SIAH2: variants seen among roughly 807,000 people sequenced by gnomAD.
SIAH2 encodes the protein siah E3 ubiquitin protein ligase 2, also known as E3 ubiquitin-protein ligase SIAH2.
Under a neutral mutation model 20.4 loss-of-function variants are expected in SIAH2, and 4 were observed. The ratio of observed to expected loss-of-function variants is 0.20; its 90% confidence interval spans 0.10 to 0.45. The LOEUF (loss-of-function observed/expected upper bound fraction) is 0.45. SIAH2 is among the 20% of genes least tolerant of loss of function. SIAH2 has a pLI of 0.99. For missense variants in SIAH2, 259 were observed against 440.3 expected (o/e 0.59, Z 3.69); for synonymous variants, 171 against 192.5 (o/e 0.89, Z 0.93).
rs1472356069 is a variant in SIAH2 at position 150,742,130 on chromosome 3, C to T, written c.*11G>A. On this transcript the variant is annotated 3_prime_UTR_variant, in exon 2 of 2. Coordinates refer to ENST00000312960, the MANE Select transcript of SIAH2 (RefSeq NM_005067.7). This position sits in a 1 kb window ranked among gnomAD's most constrained non-coding sequence, Gnocchi z 4.8. ...ATGCCCAAATAATTTTGAAGGTTTA[C>T]GAAAGTCACATCATGGACAACATGT... 5.6e-6 allele frequency: 9 copies of T among 1,597,078 alleles called. No homozygotes were observed. Among genetic ancestry groups the T allele is most frequent in the Admixed American group, 3.4e-5 (2 of 58,454 alleles).
intron 1 of SIAH2, among the ~76,000 whole-genome samples, chr3:150,757,243 T>G (rs1396718592): frequency 6.6e-6 from 1 of 152,178 alleles, no homozygotes; most frequent in Non-Finnish European, 1.5e-5. Flanking sequence ...TTCTTTTCAC[T>G]GGGACCGCTT....
chr3:150,755,280 C>T (rs532178833), intron 1 of SIAH2, among the ~76,000 whole-genome samples: 330 of 150,410 alleles, frequency 2.2e-3, no homozygotes, highest in Non-Finnish European at 3.7e-3. Context: ...GTGCATAGGC[C>T]GGCGCATTAG....
At chr3:150,759,866 G>T (rs963226572) in intron 1 of SIAH2, among the ~76,000 whole-genome samples, 1 of 152,176 alleles carries the variant, frequency 6.6e-6, no homozygotes, top group Non-Finnish European at 1.5e-5. Context: ...GGAAATCAAG[G>T]CCCTGGGAGG....
chr3:150,760,245 C>T (rs1294143984), intron 1 of SIAH2, among the ~76,000 whole-genome samples: 1 of 152,184 alleles, frequency 6.6e-6, no homozygotes, highest in Admixed American at 6.5e-5. Context: ...GACACACACC[C>T]CAGCTTTATA....
intron 1 of SIAH2, among the ~76,000 whole-genome samples, chr3:150,747,838 C>A (rs1714257321): frequency 6.6e-6 from 1 of 151,812 alleles, no homozygotes; most frequent in South Asian, 2.1e-4. Flanking sequence ...GTGGTGGGCA[C>A]CTGTAATCCC....
At chr3:150,755,879 T>A (rs1714477092) in intron 1 of SIAH2, among the ~76,000 whole-genome samples, 1 of 152,164 alleles carries the variant, frequency 6.6e-6, no homozygotes, top group South Asian at 2.1e-4. Flanking sequence ...CTTGAACTCC[T>A]GACCTCATGA....
In SIAH2 at chr3:150,741,856, C is replaced by A; in HGVS notation, c.*285G>T. 1 of 342,602 alleles carries A rather than the reference C, an allele frequency of 2.9e-6. No individual in the cohort carries two copies. The highest frequency in any genetic ancestry group is 5.4e-6 in the Non-Finnish European group (1 of 186,382). 21.2% of individuals were successfully genotyped at this position (342,602 alleles called of 1,614,324 possible). On this transcript the variant is annotated 3_prime_UTR_variant, in exon 2 of 2. Coordinates refer to ENST00000312960, the MANE Select transcript of SIAH2 (RefSeq NM_005067.7). ...TTCCTAACACACTGATCTATAGAAGCCCTGTGCAACAGCCTGTCAAGTGTT... is the reference window on the plus strand; with the variant it reads ...TTCCTAACACACTGATCTATAGAAGACCTGTGCAACAGCCTGTCAAGTGTT...
intron 1 of SIAH2, among the ~76,000 whole-genome samples, chr3:150,747,247 G>A: frequency 6.6e-6 from 1 of 152,218 alleles, no homozygotes; most frequent in Non-Finnish European, 1.5e-5. Flanking sequence ...CCCTGAAAGT[G>A]CCACTCCCTG....
rs1045248462 is a variant in SIAH2 at position 150,758,675 on chromosome 3, A to G, written c.417+3758T>C. Reference sequence around the variant, plus strand: ...AACCTCCACCTCCTGGGTTCAAGCGATTCTCCTGCCGCAGCCTCCTGAGTA... The same window carrying G: ...AACCTCCACCTCCTGGGTTCAAGCGGTTCTCCTGCCGCAGCCTCCTGAGTA... On this transcript the variant is annotated intron_variant, in intron 1 of 1. Coordinates refer to ENST00000312960, the MANE Select transcript of SIAH2 (RefSeq NM_005067.7). Among the ~76,000 whole-genome samples the G allele has an allele frequency of 5.4e-5, 8 of 147,848 alleles. No homozygotes were observed. In the East Asian group the frequency reaches 1.4e-3, roughly 26 times the overall value.
intron 1 of SIAH2, among the ~76,000 whole-genome samples, chr3:150,743,634 A>G (rs182188051): frequency 1.3e-5 from 2 of 152,290 alleles, no homozygotes; most frequent in Admixed American, 6.5e-5. Context: ...GTAGGAGAAC[A>G]AAATCATTTT....
intron 1 of SIAH2, among the ~76,000 whole-genome samples, chr3:150,747,666 C>T (rs561147208): frequency 1.3e-5 from 2 of 152,142 alleles, no homozygotes; most frequent in South Asian, 4.2e-4. Context: ...TAGGACCGGG[C>T]GCGATGGCTC....
In SIAH2 at chr3:150,762,527, A is replaced by C. The variant is rs1714642615; in HGVS notation, c.323T>G (p.Leu108Trp). 6.2e-7 allele frequency: 1 copy of C among 1,613,530 alleles called. No homozygotes were observed. Among genetic ancestry groups the C allele is most frequent in the South Asian group, 1.1e-5 (1 of 91,070 alleles). ...HLVCNQCRQK[L>W]SCCPTCRGAL... ...GCCCCTGCACGTCGGGCAGCAGCTCAACTTCTGGCGGCATTGGTTACACAC... is the reference window on the plus strand; with the variant it reads ...GCCCCTGCACGTCGGGCAGCAGCTCCACTTCTGGCGGCATTGGTTACACAC... The change falls in exon 1 of 2, where the codon TTG becomes TGG. Residue 108 changes from leucine (L) to tryptophan (W), a missense_variant. Leu to Trp is a moderately conservative substitution (Grantham distance 61). Coordinates refer to ENST00000312960, the MANE Select transcript of SIAH2 (RefSeq NM_005067.7). The surrounding 1 kb of genome is among the most constrained non-coding windows in gnomAD (Gnocchi z 6.6).
rs1258970887 is a variant in SIAH2 at position 150,742,041 on chromosome 3, T to C, written c.*100A>G. On this transcript the variant is annotated 3_prime_UTR_variant, in exon 2 of 2. Transcript: ENST00000312960. This position sits in a 1 kb window ranked among gnomAD's most constrained non-coding sequence, Gnocchi z 4.8. ...CAAACAAAACACGGGTAATTGTGGG[T>C]CCTGACTTGTGAAGACATATGGAAT... The C allele has an allele frequency of 6.0e-6, 7 of 1,161,730 alleles. No individual in the cohort carries two copies. The Admixed American group carries it at 1.0e-4, about 17-fold the overall frequency. 72.0% of individuals were successfully genotyped at this position (1,161,730 alleles called of 1,614,324 possible). A position where few individuals can be genotyped will look rare whatever the true frequency, so the allele number is the denominator to read the frequency against.
At chr3:150,744,245 C>A (rs1054444230) in intron 1 of SIAH2, among the ~76,000 whole-genome samples, 10 of 152,158 alleles carry the variant, frequency 6.6e-5, no homozygotes, top group Non-Finnish European at 1.5e-4. Flanking sequence ...GGGGATTAGT[C>A]TCCCCTAATC....
intron 1 of SIAH2, among the ~76,000 whole-genome samples, chr3:150,753,453 C>G (rs1392106631): frequency 6.6e-6 from 1 of 152,208 alleles, no homozygotes. Flanking sequence ...GGACATTCAA[C>G]TGTAAACCAT....
At chr3:150,760,083 G>C (rs1338742503) in intron 1 of SIAH2, among the ~76,000 whole-genome samples, 1 of 152,164 alleles carries the variant, frequency 6.6e-6, no homozygotes, top group Non-Finnish European at 1.5e-5. Context: ...TTTGATACAG[G>C]CCTTACGGCT....
Position 150,762,514 on chromosome 3 carries a change from C to A in SIAH2, c.336G>T (p.Pro112=), listed in dbSNP as rs762708123. 1 of 1,613,576 alleles carries A rather than the reference C, an allele frequency of 6.2e-7. No individual in the cohort carries two copies. The highest frequency in any genetic ancestry group is 2.2e-5 in the East Asian group (1 of 44,838). ...TGGGCGTCAGGGCGCCCCTGCACGT[C>A]GGGCAGCAGCTCAACTTCTGGCGGC... ...NQCRQKLSCC[P]TCRGALTPSI... The change falls in exon 1 of 2, where the codon CCG becomes CCT. Residue 112 remains proline, a synonymous_variant. Transcript: ENST00000312960. The surrounding 1 kb of genome is among the most constrained non-coding windows in gnomAD (Gnocchi z 6.6).
intron 1 of SIAH2, among the ~76,000 whole-genome samples, chr3:150,754,672 T>C (rs778429805): frequency 1.3e-5 from 2 of 152,236 alleles, no homozygotes; most frequent in Non-Finnish European, 2.9e-5. Context: ...AGGGAGATTA[T>C]AGGAGATTTT....
Position 150,762,928 on chromosome 3 carries a change from G to A in SIAH2, c.-79C>T. ...CGGGTCAAGGCGGTGCGCGCCCCGC[G>A]GGCAGCGAGCTCCGAGGCAACGCCA... On this transcript the variant is annotated 5_prime_UTR_variant, in exon 1 of 2. Transcript: ENST00000312960. This position sits in a 1 kb window ranked among gnomAD's most constrained non-coding sequence, Gnocchi z 6.6. 9.0e-7 allele frequency: 1 copy of A among 1,115,642 alleles called. No homozygotes were observed. The highest frequency in any genetic ancestry group is 1.1e-6 in the Non-Finnish European group (1 of 905,978). 69.1% of individuals were successfully genotyped at this position (1,115,642 alleles called of 1,614,324 possible).
Sources: allele counts gnomAD v4.1 joint callset (sites outside exome capture counted in the v4.1 genomes callset), GRCh38; gene constraint gnomAD v4.1.1; non-coding constraint Gnocchi (gnomAD v3.1); transcripts MANE v1.5; gene names NCBI Gene and HGNC (gene_info 2026-07-23, HGNC 2026-07-21).